The following EXOC4 variants were observed in gnomAD, a reference collection of about 807,000 sequenced individuals.
The protein encoded by EXOC4 is SEC8-like 1.
EXOC4 carries 71 observed loss-of-function variants against 107.2 expected under a neutral mutation model. That is an observed-to-expected ratio of 0.66 (90% CI 0.55 to 0.81). The LOEUF is 0.81. Ranked by LOEUF, EXOC4 falls within the 30% of genes least tolerant of loss-of-function variation. The pLI, the probability that EXOC4 is intolerant of heterozygous loss-of-function variation, is 0.00. For synonymous variants in EXOC4, 456 were observed against 441.2 expected (o/e 1.03, Z -0.42); for missense variants, 1,108 against 1,189.6 (o/e 0.93, Z 1.01).
At chr7:133,615,328 C>T (rs1247046320) in intron 9 of EXOC4, among the ~76,000 whole-genome samples, 4 of 151,918 alleles carry the variant, frequency 2.6e-5, no homozygotes, top group African/African-American at 9.7e-5. Context: ...ATTTTTATAA[C>T]GATTGACTTT....
intron 10 of EXOC4, chr7:133,771,212 A>G (rs1796237198): frequency 6.6e-6 from 1 of 152,014 alleles, no homozygotes. Context: ...AAGGCCTCCC[A>G]TGTCACAGGA....
intron 13 of EXOC4, among the ~76,000 whole-genome samples, chr7:133,923,365 C>T (rs1317617314): frequency 2.6e-5 from 4 of 152,020 alleles, no homozygotes; most frequent in Non-Finnish European, 5.9e-5. Context: ...TGTGATCCGC[C>T]CACCTCGGCC....
intron 10 of EXOC4, among the ~76,000 whole-genome samples, chr7:133,779,022 C>T (rs1433621377): frequency 1.3e-5 from 2 of 152,156 alleles, no homozygotes; most frequent in African/African-American, 4.8e-5. Context: ...CTCCTGCTGC[C>T]TTAGAAGATT....
At chr7:133,503,352 A>AATC (rs1342712282) in intron 9 of EXOC4, among the ~76,000 whole-genome samples, 4 of 152,194 alleles carry the variant, frequency 2.6e-5, no homozygotes, top group African/African-American at 9.6e-5. Flanking sequence ...TCATTTATAT[A>AATC]ATCAGAGATT....
At chr7:133,899,146 A>T (rs7798355) in intron 12 of EXOC4, among the ~76,000 whole-genome samples, 1 of 151,208 alleles carries the variant, frequency 6.6e-6, no homozygotes, top group African/African-American at 2.4e-5. Flanking sequence ...TTGTCTGATT[A>T]TGGGCACCCA....
rs116016858 is a variant in EXOC4 at position 133,845,911 on chromosome 7, C to T, written c.1734+28367C>T. On this transcript the variant is annotated intron_variant, in intron 11 of 17. Transcript: ENST00000253861. Reference sequence around the variant, plus strand: ...TGTCTGGTTGACTGGATAAACTCTTCAGTCTTATAGGATTTGAAAGAACAT... The same window carrying T: ...TGTCTGGTTGACTGGATAAACTCTTTAGTCTTATAGGATTTGAAAGAACAT... Among the ~76,000 whole-genome samples, 366 of 152,264 alleles carry T rather than the reference C, an allele frequency of 2.4e-3. 5 individuals are homozygous for T. The highest frequency in any genetic ancestry group is 8.2e-3 in the African/African-American group (342 of 41,550).
chr7:133,862,634 A>G (rs1390263652), intron 11 of EXOC4, among the ~76,000 whole-genome samples: 1 of 152,216 alleles, frequency 6.6e-6, no homozygotes, highest in Non-Finnish European at 1.5e-5. Flanking sequence ...CTTTCCTGCT[A>G]TGAAACTGAT....
intron 10 of EXOC4, among the ~76,000 whole-genome samples, chr7:133,759,451 T>C (rs929797067): frequency 6.6e-6 from 1 of 152,220 alleles, no homozygotes; most frequent in Non-Finnish European, 1.5e-5. Flanking sequence ...CAGGCACAGA[T>C]CTACAGTGGC....
intron 10 of EXOC4, among the ~76,000 whole-genome samples, chr7:133,726,313 G>A (rs1795213896): frequency 1.3e-5 from 2 of 152,232 alleles, no homozygotes; most frequent in Admixed American, 1.3e-4. Context: ...TAGCAGCCAA[G>A]TACAAGTGTG....
At chr7:133,718,722 G>T (rs1795046348) in intron 10 of EXOC4, among the ~76,000 whole-genome samples, 1 of 152,088 alleles carries the variant, frequency 6.6e-6, no homozygotes, top group Non-Finnish European at 1.5e-5. Flanking sequence ...TTGTAGTGAG[G>T]ATTAAATAAA....
At chr7:133,266,874 C>T (rs1793742019) in intron 1 of EXOC4, among the ~76,000 whole-genome samples, 2 of 152,230 alleles carry the variant, frequency 1.3e-5, no homozygotes, top group East Asian at 1.9e-4. Context: ...AATTTGCTTC[C>T]TTAAAGGAAC....
chr7:133,595,136 C>T (rs139267355), intron 9 of EXOC4, among the ~76,000 whole-genome samples: 205 of 152,060 alleles, frequency 1.3e-3, no homozygotes, highest in African/African-American at 4.8e-3. Context: ...TCAGAGAGAA[C>T]TTTTTTCCCC....
intron 11 of EXOC4, among the ~76,000 whole-genome samples, chr7:133,830,493 G>A (rs557318635): frequency 6.6e-6 from 1 of 152,320 alleles, no homozygotes; most frequent in Admixed American, 6.5e-5. Context: ...TGAATAAAAT[G>A]AAAATTGCCA....
chr7:133,544,716 C>T (rs927329978), intron 9 of EXOC4, among the ~76,000 whole-genome samples: 1 of 140,920 alleles, frequency 7.1e-6, no homozygotes, highest in Non-Finnish European at 1.5e-5. Flanking sequence ...TTAACCAAAT[C>T]GAGGGAATTA....
chr7:133,549,404 G>A (rs527752987), intron 9 of EXOC4, among the ~76,000 whole-genome samples: 1 of 152,172 alleles, frequency 6.6e-6, no homozygotes, highest in African/African-American at 2.4e-5. Flanking sequence ...CTGTGAATTG[G>A]GAAGCCGGAG....
chr7:133,388,204 G>C (rs1205711177), intron 7 of EXOC4, among the ~76,000 whole-genome samples: 1 of 152,038 alleles, frequency 6.6e-6, no homozygotes, highest in Admixed American at 6.6e-5. Context: ...AGTTTGATCA[G>C]TTTCAGCATT....
At chr7:133,659,764 T>TA (rs1159152936) in intron 10 of EXOC4, among the ~76,000 whole-genome samples, 7 of 152,198 alleles carry the variant, frequency 4.6e-5, no homozygotes, top group Admixed American at 3.3e-4. Context: ...CATTTGGTGC[T>TA]ACACTAAGGA....
chr7:134,081,716 A>T, the EXOC4 span, among the ~76,000 whole-genome samples: 1 of 152,174 alleles, frequency 6.6e-6, no homozygotes, highest in Admixed American at 6.5e-5. Context: ...CCAGGTTTCT[A>T]GCTAGGTTAA....
At chr7:133,876,902 T>G (rs529945073) in intron 11 of EXOC4, among the ~76,000 whole-genome samples, 62 of 152,304 alleles carry the variant, frequency 4.1e-4, no homozygotes, top group African/African-American at 1.4e-3. Flanking sequence ...TGTGACTTTC[T>G]ATAGTTTTTG....
Sources: allele counts gnomAD v4.1 joint callset (sites outside exome capture counted in the v4.1 genomes callset), GRCh38; gene constraint gnomAD v4.1.1; transcripts MANE v1.5; gene names NCBI Gene and HGNC (gene_info 2026-07-23, HGNC 2026-07-21).